TTLL5: variants seen among roughly 807,000 people sequenced by gnomAD.
TTLL5 encodes tubulin tyrosine ligase like 5.
A neutral mutation model predicts 168.4 loss-of-function variants in TTLL5; 132 were observed. That is an observed-to-expected ratio of 0.78 (90% CI 0.68 to 0.91). The LOEUF (loss-of-function observed/expected upper bound fraction) is 0.91. Ranked by LOEUF, TTLL5 falls within the 40% of genes least tolerant of loss-of-function variation. The pLI is 0.00. For synonymous variants in TTLL5, 546 were observed against 558.6 expected, an observed-to-expected ratio of 0.98 and a Z score of 0.32; for missense variants, 1,545 against 1,581.5, an observed-to-expected ratio of 0.98 and a Z score of 0.39.
Position 75,783,208 on chromosome 14 carries a change from T to C in TTLL5, c.2664T>C (p.Pro888=). The C allele has an allele frequency of 6.2e-7, 1 of 1,614,164 alleles. No individual in the cohort carries two copies. The highest frequency in any genetic ancestry group is 1.3e-5 in the African/African-American group (1 of 75,076). ...KLVYSNSSSG[P]TATLQKIPNT... is the part of the protein sequence containing the mutation. ...TTTATAGCAATTCCTCCTCTGGTCC[T>C]ACTGCTACTCTGCAGAAAATTCCCA... The change falls in exon 26 of 32, where the codon CCT becomes CCC. Residue 888 remains proline, a synonymous_variant. Transcript: ENST00000298832.
chr14:75,675,863 G>C (rs1202611307), intron 3 of TTLL5, among the ~76,000 whole-genome samples: 4 of 152,168 alleles, frequency 2.6e-5, no homozygotes, highest in Non-Finnish European at 5.9e-5. Flanking sequence ...AATGAATGTT[G>C]TTATAAGGTT....
intron 29 of TTLL5, among the ~76,000 whole-genome samples, chr14:75,882,032 T>C (rs2031843280): frequency 6.6e-6 from 1 of 152,198 alleles, no homozygotes; most frequent in Non-Finnish European, 1.5e-5. Flanking sequence ...AGCATTTGTA[T>C]AGTAATTTTA....
intron 31 of TTLL5, among the ~76,000 whole-genome samples, chr14:75,907,535 A>AC (rs2033194304): frequency 6.6e-6 from 1 of 152,212 alleles, no homozygotes; most frequent in African/African-American, 2.4e-5. Flanking sequence ...TCATCAGAAT[A>AC]CCCCAGGAGT....
Position 75,766,228 on chromosome 14 carries a change from G to T in TTLL5, c.1875G>T (p.Leu625Phe). The change falls in exon 20 of 32, where the codon TTG becomes TTT. Residue 625 changes from leucine to phenylalanine, a missense_variant. By Grantham distance (22) the Leu-to-Phe change is conservative (BLOSUM62 0). Transcript: ENST00000298832. ...QAKYTPSLTA[L>F]VENTPKENSM... ...AATATACACCCTCATTGACAGCTTT[G>T]GTAGAAAATACACCCAAAGAAAATT... 6.2e-7 allele frequency: 1 copy of T among 1,613,930 alleles called. No homozygotes were observed. Among genetic ancestry groups the T allele is most frequent in the Non-Finnish European group, 8.5e-7 (1 of 1,179,954 alleles).
At chr14:75,815,574 G>A (rs1263607177) in intron 27 of TTLL5, among the ~76,000 whole-genome samples, 1 of 152,124 alleles carries the variant, frequency 6.6e-6, no homozygotes, top group Admixed American at 6.5e-5. Context: ...CTTCTTTAAT[G>A]TCTTCTGATG....
intron 31 of TTLL5, among the ~76,000 whole-genome samples, chr14:75,920,136 A>G (rs2140136343): frequency 6.6e-6 from 1 of 152,148 alleles, no homozygotes; most frequent in South Asian, 2.1e-4. Context: ...AACAACAACA[A>G]CAACAACAAC....
rs57519882 is a variant in TTLL5, at chr14:75,826,296, T to TACACACACACACACACACAC, written c.3326+6152_3326+6171dup. Among the ~76,000 whole-genome samples, 106 of 139,442 alleles carry TACACACACACACACACACAC rather than the reference T, an allele frequency of 7.6e-4. 1 individual carries two copies. The highest frequency in any genetic ancestry group is 2.0e-3 in the African/African-American group (74 of 36,968). The allele number at this position is 139,442 out of a possible 152,430, so 91.5% of individuals were successfully genotyped here. A position where few individuals can be genotyped will look rare whatever the true frequency, so the allele number is the denominator to read the frequency against. On this transcript the variant is annotated intron_variant, in intron 28 of 31. Coordinates refer to ENST00000298832, the MANE Select transcript of TTLL5 (RefSeq NM_015072.5). ...ACCTTCTATTTCCTTAGGATACGCG[T>TACACACACACACACACACAC]ACACACACACACACACACACACACA...
At chr14:75,879,167 A>G (rs1354070867) in intron 29 of TTLL5, among the ~76,000 whole-genome samples, 3 of 152,232 alleles carry the variant, frequency 2.0e-5, no homozygotes, top group African/African-American at 2.4e-5. Context: ...GTAAGTGGCT[A>G]TAATACATGG....
intron 11 of TTLL5, 111 bp downstream of exon 11, chr14:75,719,937 G>T (rs1887736208): frequency 8.6e-7 from 1 of 1,159,310 alleles, no homozygotes; most frequent in Non-Finnish European, 1.3e-6. Flanking sequence ...GAGACGGGAT[G>T]ATTGTCCTTG....
intron 29 of TTLL5, among the ~76,000 whole-genome samples, chr14:75,868,444 T>A (rs768310602): frequency 1.3e-5 from 2 of 152,220 alleles, no homozygotes; most frequent in South Asian, 4.1e-4. Context: ...ATTTCTCTCA[T>A]CCTTCTGCCC....
Position 75,674,949 on chromosome 14 carries a change from A to C in TTLL5, c.181+5427A>C, listed in dbSNP as rs1397315601. On this transcript the variant is annotated intron_variant, in intron 3 of 31. Transcript: ENST00000298832. ...ACCATTAATATTTTATATCTAGTAT[A>C]TATTTTAACATAACAGAGCATCTCA... is the stretch of plus-strand genomic sequence containing the variant. Among the ~76,000 whole-genome samples, 3 of 152,206 alleles carry C rather than the reference A, an allele frequency of 2.0e-5. No homozygotes were observed. The East Asian group carries it at 5.8e-4, about 29-fold the overall frequency.
intron 27 of TTLL5, among the ~76,000 whole-genome samples, chr14:75,811,181 G>GTGTGTGTA (rs1373886439): frequency 3.1e-4 from 37 of 121,310 alleles, no homozygotes; most frequent in Admixed American, 6.4e-4. Flanking sequence ...GTGTGTGTGT[G>GTGTGTGTA]TGTGTGTATG....
At chr14:75,834,626 C>T (rs1469537760) in intron 28 of TTLL5, among the ~76,000 whole-genome samples, 1 of 152,168 alleles carries the variant, frequency 6.6e-6, no homozygotes, top group African/African-American at 2.4e-5. Context: ...ATTCACAGAC[C>T]GGACTTCTAC....
At chr14:75,889,259 A>G (rs568512135) in intron 30 of TTLL5, among the ~76,000 whole-genome samples, 19 of 152,362 alleles carry the variant, frequency 1.2e-4, no homozygotes, top group African/African-American at 4.1e-4. Context: ...GGAAGTATAC[A>G]AAGATAAAAC....
chr14:75,797,425 G>A (rs60349322), intron 27 of TTLL5, among the ~76,000 whole-genome samples: 2,277 of 152,116 alleles, frequency 0.015, 56 homozygotes, highest in African/African-American at 0.052. Context: ...TTGTCTGATT[G>A]CTTTGGCTAG....
intron 31 of TTLL5, among the ~76,000 whole-genome samples, chr14:75,924,675 G>A (rs2033949644): frequency 6.6e-6 from 1 of 151,940 alleles, no homozygotes; most frequent in Admixed American, 6.5e-5. Context: ...AGTCTCCCAT[G>A]ACTACTTCCC....
intron 29 of TTLL5, among the ~76,000 whole-genome samples, chr14:75,878,881 A>G (rs1346927279): frequency 6.6e-6 from 1 of 152,228 alleles, no homozygotes; most frequent in Non-Finnish European, 1.5e-5. Context: ...TTGGACACAA[A>G]TAACACACTA....
At chr14:75,735,314 C>T in intron 15 of TTLL5, 25 bp downstream of exon 15, 2 of 1,610,256 alleles carry the variant, frequency 1.2e-6, no homozygotes, top group Non-Finnish European at 1.7e-6. Context: ...CAGCAGGGAG[C>T]CTGAAGGAGG....
At chr14:75,664,764 G>A (rs184837731) in intron 2 of TTLL5, among the ~76,000 whole-genome samples, 4 of 152,114 alleles carry the variant, frequency 2.6e-5, no homozygotes, top group African/African-American at 9.6e-5. Context: ...TTTTGCTTTC[G>A]GTGTGCTGCC....
Sources: allele counts gnomAD v4.1 joint callset (sites outside exome capture counted in the v4.1 genomes callset), GRCh38; gene constraint gnomAD v4.1.1; transcripts MANE v1.5; gene names NCBI Gene and HGNC (gene_info 2026-07-23, HGNC 2026-07-21).